CNGA1: variants seen among roughly 807,000 people sequenced by gnomAD.
CNGA1 encodes the protein cyclic nucleotide-gated channel alpha-1.
Under a neutral mutation model 69.7 loss-of-function variants are expected in CNGA1, and 53 were observed. The ratio of observed to expected loss-of-function variants is 0.76; its 90% CI spans 0.61 to 0.96. The LOEUF is 0.96. Among genes scored for constraint, CNGA1 ranks in the 40% least tolerant of loss-of-function variants. The pLI, the probability that CNGA1 is intolerant of heterozygous loss-of-function variation, is 0.00. For missense variants in CNGA1, 739 were observed against 811.2 expected (o/e 0.91, Z 1.08); for synonymous variants, 249 against 283.5 (o/e 0.88, Z 1.22).
At chr4:47,974,831 A>G (rs1741264167) in intron 3 of CNGA1, among the ~76,000 whole-genome samples, 1 of 152,172 alleles carries the variant, frequency 6.6e-6, no homozygotes, top group Non-Finnish European at 1.5e-5. Flanking sequence ...TTCTTCCACA[A>G]GGGCTTAGTT....
rs1297470730 is a variant in CNGA1 at position 47,937,354 on chromosome 4, A to C, written c.1128T>G (p.Val376=). Residue 376 remains valine, a synonymous_variant, in exon 11 of 11, where the codon GTT becomes GTG. Transcript: ENST00000514170. The part of the protein sequence containing the change: ...VRDSEYVFVV[V]DFLIGVLIFA... ...AAATTAACACTCCAATTAGGAAATCAACCACCACAAAGACATACTCAGAAT... is the reference window on the plus strand; with the variant it reads ...AAATTAACACTCCAATTAGGAAATCCACCACCACAAAGACATACTCAGAAT... 6.2e-7 allele frequency: 1 copy of C among 1,614,038 alleles called. No homozygotes were observed. Among genetic ancestry groups the C allele is most frequent in the Non-Finnish European group, 8.5e-7 (1 of 1,180,046 alleles).
intron 2 of CNGA1, among the ~76,000 whole-genome samples, chr4:47,984,877 T>C (rs549064742): frequency 1.3e-5 from 2 of 152,292 alleles, no homozygotes; most frequent in South Asian, 4.1e-4. Flanking sequence ...TTGTTGAATG[T>C]GGAAGACCTT....
chr4:47,971,703 G>A (rs1294930608), intron 3 of CNGA1, among the ~76,000 whole-genome samples: 2 of 152,158 alleles, frequency 1.3e-5, no homozygotes, highest in African/African-American at 4.8e-5. Context: ...AGATCAGCCT[G>A]GCCAACATGG....
intron 6 of CNGA1, among the ~76,000 whole-genome samples, chr4:47,943,854 C>A (rs181376372): frequency 3.0e-4 from 46 of 152,304 alleles, no homozygotes; most frequent in African/African-American, 1.1e-3. Context: ...TGACTGAAGT[C>A]ATTTTTCATG....
chr4:47,971,238 G>A lies in CNGA1; in HGVS notation c.-15+10155C>T, dbSNP rs78303927. On this transcript the variant is annotated intron_variant, in intron 3 of 10. Coordinates refer to ENST00000514170, the MANE Select transcript of CNGA1 (RefSeq NM_001379270.1). ...GTGGTGAGAATCTCTCTGGAAAAATGCAACAAGAAAGTGGTAACAGTGATT... is the reference window on the plus strand; with the variant it reads ...GTGGTGAGAATCTCTCTGGAAAAATACAACAAGAAAGTGGTAACAGTGATT... 764 of 317,030 alleles carry A rather than the reference G, an allele frequency of 2.4e-3. 8 individuals carry two copies. The highest frequency in any genetic ancestry group is 0.016 in the African/African-American group (726 of 45,848). 19.6% of individuals were successfully genotyped at this position (317,030 alleles called of 1,614,324 possible). A position where few individuals can be genotyped will look rare whatever the true frequency, so the allele number is the denominator to read the frequency against.
Position 47,937,632 on chromosome 4 carries a change from T to C in CNGA1, c.850A>G (p.Thr284Ala). ...FSRMFEFFQR[T>A]ETRTNYPNIF... ...TTTGGATAGTTTGTCCTTGTTTCTG[T>C]TCTCTGGAAGAACTCAAACATACGA... The change falls in exon 11 of 11, where the codon ACA (threonine) becomes GCA (alanine). Residue 284 changes from threonine to alanine, a missense_variant. Transcript: ENST00000514170. 1.2e-6 allele frequency: 2 copies of C among 1,614,182 alleles called. No individual in the cohort carries two copies. Among genetic ancestry groups the C allele is most frequent in the Non-Finnish European group, 1.7e-6 (2 of 1,180,018 alleles).
chr4:48,011,485 T>TA (rs1047878157), intron 1 of CNGA1, among the ~76,000 whole-genome samples: 5 of 152,082 alleles, frequency 3.3e-5, no homozygotes, highest in East Asian at 1.9e-4. Flanking sequence ...GTTCCTTTTT[T>TA]AAAAAAATCT....
In CNGA1 at chr4:48,010,845, A is replaced by T. The variant is rs1715124750; in HGVS notation, c.-174T>A. 1 of 153,674 alleles carries T rather than the reference A, an allele frequency of 6.5e-6. No individual in the cohort carries two copies. The highest frequency in any genetic ancestry group is 6.5e-5 in the Admixed American group (1 of 15,278). 9.5% of individuals were successfully genotyped at this position (153,674 alleles called of 1,614,324 possible). A position where few individuals can be genotyped will look rare whatever the true frequency, so the allele number is the denominator to read the frequency against. The stretch of plus-strand genomic sequence containing the variant: ...CAGCAGCAGGTCTGCGATGGCAGCA[A>T]ACGACAGTGGTGGGCAGTGGTGGAC... On this transcript the variant is annotated 5_prime_UTR_variant, in exon 2 of 11. In the 5' UTR this introduces an upstream ATG that the reference lacks. Transcript: ENST00000514170.
chr4:47,958,842 A>G (rs1390426676), intron 3 of CNGA1, among the ~76,000 whole-genome samples: 2 of 152,242 alleles, frequency 1.3e-5, no homozygotes, highest in African/African-American at 4.8e-5. Context: ...TTAGCATTAA[A>G]GTGGAATCAA....
At chr4:48,000,373 T>A (rs1216343625) in intron 2 of CNGA1, among the ~76,000 whole-genome samples, 3 of 135,652 alleles carry the variant, frequency 2.2e-5, no homozygotes, top group Admixed American at 7.2e-5. Context: ...TAACAATAAG[T>A]GTTTTTTTTT....
At chr4:47,938,179 A>C (rs545387896) in intron 10 of CNGA1, among the ~76,000 whole-genome samples, 3 of 148,876 alleles carry the variant, frequency 2.0e-5, no homozygotes, top group African/African-American at 7.7e-5. Context: ...GTCTCAAAAA[A>C]AAAAAAAGAA....
rs148511374 is a variant in CNGA1 at position 47,970,031 on chromosome 4, A to G, written c.-15+11362T>C. On this transcript the variant is annotated intron_variant, in intron 3 of 10. Coordinates refer to ENST00000514170, the MANE Select transcript of CNGA1 (RefSeq NM_001379270.1). ...AGGTTCTCAGTCAGGGTCCCAACCA[A>G]AAAGAAAGGCACACTCAAAATAATT... 4.6e-5 allele frequency among the ~76,000 whole-genome samples: 7 copies of G among 152,300 alleles called. No individual in the cohort carries two copies. The East Asian group carries it at 1.4e-3, about 29-fold the overall frequency.
Position 47,936,313 on chromosome 4 carries a change from A to G in CNGA1, c.*108T>C. Reference sequence around the variant, plus strand: ...GCACCAAAGCACATTTTCCTCATGGAAAAATTTCCCAACTGAGTCTTCCTC... The same window carrying G: ...GCACCAAAGCACATTTTCCTCATGGGAAAATTTCCCAACTGAGTCTTCCTC... On this transcript the variant is annotated 3_prime_UTR_variant, in exon 11 of 11. Transcript: ENST00000514170. 1.6e-6 allele frequency: 2 copies of G among 1,265,860 alleles called. No homozygotes were observed. Among genetic ancestry groups the G allele is most frequent in the East Asian group, 2.4e-5 (1 of 41,072 alleles). 78.4% of individuals were successfully genotyped at this position (1,265,860 alleles called of 1,614,324 possible). A position where few individuals can be genotyped will look rare whatever the true frequency, so the allele number is the denominator to read the frequency against.
At chr4:48,010,513 ATGG>A (rs541574020) in intron 2 of CNGA1, among the ~76,000 whole-genome samples, 1 of 152,168 alleles carries the variant, frequency 6.6e-6, no homozygotes, top group Non-Finnish European at 1.5e-5. Context: ...CACTTCCAAG[ATGG>A]TGGTGGGTCG....
intron 3 of CNGA1, among the ~76,000 whole-genome samples, chr4:47,955,546 G>A (rs557641195): frequency 6.6e-6 from 1 of 152,116 alleles, no homozygotes; most frequent in Non-Finnish European, 1.5e-5. Context: ...AAGGTACAAA[G>A]TGGTGTTCCA....
intron 2 of CNGA1, among the ~76,000 whole-genome samples, chr4:47,982,339 C>T (rs1046211715): frequency 6.6e-6 from 1 of 152,130 alleles, no homozygotes; most frequent in Non-Finnish European, 1.5e-5. Flanking sequence ...AACCGAGTAA[C>T]ACTTATTGCC....
intron 2 of CNGA1, among the ~76,000 whole-genome samples, chr4:47,983,405 A>G (rs1741832029): frequency 6.6e-6 from 1 of 151,984 alleles, no homozygotes; most frequent in Admixed American, 6.5e-5. Flanking sequence ...CCTGACCAAC[A>G]TGAGGAAACC....
intron 1 of CNGA1, among the ~76,000 whole-genome samples, chr4:48,014,604 G>A (rs1253978290): frequency 1.3e-5 from 2 of 152,136 alleles, no homozygotes. Flanking sequence ...ACACTTACTG[G>A]TTATGTGTGC....
intron 3 of CNGA1, among the ~76,000 whole-genome samples, chr4:47,976,931 G>A (rs915308185): frequency 6.6e-6 from 1 of 152,212 alleles, no homozygotes; most frequent in South Asian, 2.1e-4. Flanking sequence ...GGCCAACTCT[G>A]TTAGAGGTGG....
Sources: gnomAD v4.1 joint callset for allele counts (sites outside exome capture counted in the v4.1 genomes callset) on GRCh38, gnomAD v4.1.1 for gene constraint, MANE v1.5 for transcripts, NCBI Gene and HGNC (gene_info 2026-07-23, HGNC 2026-07-21) for gene names.